The following TNRC6A variants were observed in gnomAD, a reference collection of about 807,000 sequenced individuals.
TNRC6A encodes the protein trinucleotide repeat containing adaptor 6A.
TNRC6A carries 44 observed loss-of-function variants against 221.2 expected under a neutral mutation model. The observed-to-expected ratio is 0.20, with a 90% CI of 0.16 to 0.26. The LOEUF is 0.26. Ranked by LOEUF, TNRC6A falls within the 10% of genes least tolerant of loss-of-function variation. The pLI is 1.00. For synonymous variants in TNRC6A, 847 were observed against 838.5 expected, an observed-to-expected ratio of 1.01 and a Z score of -0.18; for missense variants, 2,199 against 2,404.4, an observed-to-expected ratio of 0.91 and a Z score of 1.79.
chr16:24,821,939 C>G (rs2058773661), intron 22 of TNRC6A, 138 bp from the exon 23 acceptor site: 1 of 783,282 alleles, frequency 1.3e-6, no homozygotes, highest in Non-Finnish European at 2.2e-6. Flanking sequence ...AGCTGAAATT[C>G]TGGGCCTAGG....
chr16:24,665,351 A>G (rs1255627944), intron 2 of TNRC6A, among the ~76,000 whole-genome samples: 4 of 152,126 alleles, frequency 2.6e-5, no homozygotes, highest in Non-Finnish European at 5.9e-5. Flanking sequence ...CTGGGATTAC[A>G]GGCATGAGCC....
rs761004349 is a variant in TNRC6A, at chr16:24,823,040, G to A, written c.5513+27G>A. The A allele has an allele frequency of 4.3e-6, 7 of 1,613,946 alleles. No individual in the cohort carries two copies. The South Asian group carries it at 5.5e-5, about 13-fold the overall frequency. On this transcript the variant is annotated intron_variant, in intron 24 of 24. Coordinates refer to ENST00000395799, the MANE Select transcript of TNRC6A (RefSeq NM_014494.4). The surrounding 1 kb of genome is among the most constrained non-coding windows in gnomAD (Gnocchi z 4.3). The stretch of plus-strand genomic sequence containing the variant: ...TAAGTTGGCTGTTGGGCTCCCAGTT[G>A]GAAGAGTCTAGGGGAAGGAGTGTGA...
intron 18 of TNRC6A, among the ~76,000 whole-genome samples, chr16:24,814,856 T>A (rs541925352): frequency 5.1e-4 from 78 of 152,232 alleles, no homozygotes; most frequent in Non-Finnish European, 9.6e-4. Flanking sequence ...TGAGCTATCA[T>A]AGCCCTCCAC....
intron 2 of TNRC6A, among the ~76,000 whole-genome samples, chr16:24,679,198 A>C (rs1344850940): frequency 2.6e-5 from 4 of 151,940 alleles, no homozygotes; most frequent in Admixed American, 2.0e-4. Context: ...GGGTTTCTCC[A>C]TGTTAGTCAG....
At chr16:24,796,052 G>A in intron 9 of TNRC6A, 113 bp downstream of exon 9, 1 of 1,200,168 alleles carries the variant, frequency 8.3e-7, no homozygotes, top group Non-Finnish European at 1.2e-6. Context: ...GCTTGGTGCT[G>A]GGGATTCAAA....
chr16:24,809,072 A>G (rs35283675), intron 17 of TNRC6A, among the ~76,000 whole-genome samples: 40,467 of 152,116 alleles, frequency 0.27, 5,579 homozygotes, highest in Middle Eastern at 0.33. Flanking sequence ...ATGCATAGGT[A>G]CACTTGGGAA....
At chr16:24,644,744 C>T (rs1451272659) in intron 2 of TNRC6A, among the ~76,000 whole-genome samples, 1 of 152,174 alleles carries the variant, frequency 6.6e-6, no homozygotes, top group Non-Finnish European at 1.5e-5. Flanking sequence ...TGAGCCACCA[C>T]ACCCAGCCCA....
At chr16:24,665,344 G>A (rs2141951793) in intron 2 of TNRC6A, among the ~76,000 whole-genome samples, 1 of 152,206 alleles carries the variant, frequency 6.6e-6, no homozygotes, top group Non-Finnish European at 1.5e-5. Context: ...TAAAGCGCTG[G>A]GATTACAGGC....
chr16:24,801,323 A>G (rs2058326626), intron 11 of TNRC6A, among the ~76,000 whole-genome samples: 2 of 152,190 alleles, frequency 1.3e-5, no homozygotes, highest in South Asian at 4.1e-4. Context: ...ATAATTTTTC[A>G]GACGCCAAGT....
intron 18 of TNRC6A, among the ~76,000 whole-genome samples, chr16:24,811,287 A>T (rs573768900): frequency 3.8e-4 from 58 of 152,316 alleles, no homozygotes; most frequent in African/African-American, 1.3e-3. Context: ...ACATTTGACT[A>T]GGAAGTTCTG....
rs1168323360 is a variant in TNRC6A, at chr16:24,729,762, C to A, written c.-80C>A. ...ATGGCGCTGGTGCAGCGGCTCGGGC[C>A]TCTCCCCGCGGCGCTGCGGAGGGCT... On this transcript the variant is annotated 5_prime_UTR_variant, in exon 1 of 25. Coordinates refer to ENST00000395799, the MANE Select transcript of TNRC6A (RefSeq NM_014494.4). 3 of 1,357,706 alleles carry A rather than the reference C, an allele frequency of 2.2e-6. No individual in the cohort carries two copies. Among genetic ancestry groups the A allele is most frequent in the East Asian group, 3.1e-5 (1 of 31,936 alleles). The allele number at this position is 1,357,706 out of a possible 1,614,324, so 84.1% of individuals were successfully genotyped here. A position where few individuals can be genotyped will look rare whatever the true frequency, so the allele number is the denominator to read the frequency against.
intron 4 of TNRC6A, chr16:24,776,213 CT>C (rs1339936821): frequency 2.1e-6 from 2 of 958,746 alleles, no homozygotes; most frequent in Non-Finnish European, 2.5e-6. Flanking sequence ...CGTTTTATTT[CT>C]TTCTTTCCAC....
At chr16:24,662,173 G>A (rs2055048228) in intron 2 of TNRC6A, 1 of 151,880 alleles carries the variant, frequency 6.6e-6, no homozygotes, top group African/African-American at 2.4e-5. Flanking sequence ...TATATGGCTG[G>A]GCACGGTGGC....
intron 11 of TNRC6A, among the ~76,000 whole-genome samples, chr16:24,803,296 G>A (rs560446136): frequency 9.9e-5 from 15 of 152,086 alleles, no homozygotes; most frequent in Non-Finnish European, 2.1e-4. Flanking sequence ...GTGGGTGCCT[G>A]TAATCCCAGC....
At chr16:24,731,845 T>C (rs1255467951) in intron 2 of TNRC6A, among the ~76,000 whole-genome samples, 1 of 152,252 alleles carries the variant, frequency 6.6e-6, no homozygotes, top group African/African-American at 2.4e-5. Context: ...CCTTGACTCT[T>C]GGCAAGTCAC....
chr16:24,820,400 G>A (rs948213740), intron 22 of TNRC6A, 40 bp downstream of exon 22: 4 of 1,575,448 alleles, frequency 2.5e-6, no homozygotes, highest in Non-Finnish European at 3.5e-6. Context: ...TGGTTTATTT[G>A]CTAAACGCTA....
chr16:24,693,291 A>G (rs1357366894), intron 2 of TNRC6A, among the ~76,000 whole-genome samples: 4 of 151,838 alleles, frequency 2.6e-5, no homozygotes, highest in Non-Finnish European at 4.4e-5. Flanking sequence ...GTCTCTACAA[A>G]AAAAAAAAAA....
intron 2 of TNRC6A, among the ~76,000 whole-genome samples, chr16:24,740,479 C>A (rs940576949): frequency 1.3e-5 from 2 of 152,048 alleles, no homozygotes; most frequent in Admixed American, 1.3e-4. Flanking sequence ...TAATTGTTTT[C>A]AAAGATGTTG....
At chr16:24,682,815 T>C (rs2055558156) in intron 2 of TNRC6A, among the ~76,000 whole-genome samples, 1 of 152,128 alleles carries the variant, frequency 6.6e-6, no homozygotes, top group South Asian at 2.1e-4. Flanking sequence ...GGCTCCCTAT[T>C]GGTCAAAACC....
Sources: gnomAD v4.1 joint callset for allele counts (sites outside exome capture counted in the v4.1 genomes callset) on GRCh38, gnomAD v4.1.1 for gene constraint, Gnocchi (gnomAD v3.1) non-coding constraint, MANE v1.5 for transcripts, NCBI Gene and HGNC (gene_info 2026-07-23, HGNC 2026-07-21) for gene names.